The following OVOL2 variants were observed in gnomAD, a reference collection of about 807,000 sequenced individuals.
OVOL2 encodes ovo like zinc finger 2.
In OVOL2, 13 loss-of-function variants were observed where a neutral mutation model predicts 18.1. The ratio of observed to expected loss-of-function variants is 0.72; its 90% confidence interval spans 0.47 to 1.14. OVOL2 has a LOEUF of 1.14. OVOL2 is among the 50% of genes most tolerant of loss of function. OVOL2 has a pLI of 0.00. For missense variants in OVOL2, 335 were observed against 383.0 expected, an observed-to-expected ratio of 0.87 and a Z score of 1.05; for synonymous variants, 166 against 162.7, an observed-to-expected ratio of 1.02 and a Z score of -0.16.
At chr20:18,028,915 T>A (rs1480512686) in intron 3 of OVOL2, among the ~76,000 whole-genome samples, 3 of 151,992 alleles carry the variant, frequency 2.0e-5, no homozygotes, top group African/African-American at 7.2e-5. Flanking sequence ...TTAAAAAAAA[T>A]AAAACAGAAA....
intron 3 of OVOL2, 64 bp from the exon 4 acceptor site, chr20:18,025,016 T>C: frequency 1.3e-6 from 2 of 1,529,524 alleles, no homozygotes; most frequent in Non-Finnish European, 8.8e-7. Flanking sequence ...CACCCAACTA[T>C]GAAGCCAGTA....
Position 18,057,416 on chromosome 20 carries a change from C to T in OVOL2, c.100+119G>A. Reference sequence around the variant, plus strand: ...ACCCGCCTAGAAGACCCCCGCGTGCCCCCCGGAAGAGGGGGATGAGGTGGG... The same window carrying T: ...ACCCGCCTAGAAGACCCCCGCGTGCTCCCCGGAAGAGGGGGATGAGGTGGG... On this transcript the variant is annotated intron_variant, in intron 1 of 3. Transcript: ENST00000278780. This position sits in a 1 kb window ranked among gnomAD's most constrained non-coding sequence, Gnocchi z 6.3. 1 of 1,194,278 alleles carries T rather than the reference C, an allele frequency of 8.4e-7. No homozygotes were observed. Among genetic ancestry groups the T allele is most frequent in the South Asian group, 1.4e-5 (1 of 69,442 alleles). 74.0% of individuals were successfully genotyped at this position (1,194,278 alleles called of 1,614,324 possible).
chr20:18,025,952 G>A (rs980450843), intron 3 of OVOL2, among the ~76,000 whole-genome samples: 1 of 152,258 alleles, frequency 6.6e-6, no homozygotes, highest in Admixed American at 6.5e-5. Flanking sequence ...GTGGACAGTT[G>A]CCACTTGGAC....
chr20:18,057,385 G>A lies in OVOL2; in HGVS notation c.100+150C>T. The A allele has an allele frequency of 4.4e-6, 4 of 903,228 alleles. No homozygotes were observed. Among genetic ancestry groups the A allele is most frequent in the Non-Finnish European group, 4.9e-6 (3 of 606,668 alleles). The allele number at this position is 903,228 out of a possible 1,614,324, so 56.0% of individuals were successfully genotyped here. ...GGGGCATCCCAGTCCCTCATTGCCT[G>A]CCCTAACCCGCCTAGAAGACCCCCG... On this transcript the variant is annotated intron_variant, in intron 1 of 3. Coordinates refer to ENST00000278780, the MANE Select transcript of OVOL2 (RefSeq NM_021220.4). This position sits in a 1 kb window ranked among gnomAD's most constrained non-coding sequence, Gnocchi z 6.3.
At chr20:18,047,938 T>C (rs184818274) in intron 2 of OVOL2, among the ~76,000 whole-genome samples, 1 of 151,512 alleles carries the variant, frequency 6.6e-6, no homozygotes, top group Admixed American at 6.6e-5. Flanking sequence ...AGTCCTATTA[T>C]AGTTAGACCA....
intron 3 of OVOL2, among the ~76,000 whole-genome samples, chr20:18,026,668 A>G (rs546336980): frequency 1.6e-4 from 24 of 152,126 alleles, no homozygotes; most frequent in Non-Finnish European, 2.5e-4. Context: ...GGCGTGAGCC[A>G]CCGCGCCGGG....
chr20:18,037,792 G>A (rs75950632), intron 3 of OVOL2, among the ~76,000 whole-genome samples: 19,770 of 152,160 alleles, frequency 0.13, 1,435 homozygotes, highest in African/African-American at 0.17. Flanking sequence ...TCCGCTGCCC[G>A]TAGTGATAAC....
intron 3 of OVOL2, among the ~76,000 whole-genome samples, 177 bp downstream of exon 3, chr20:18,041,357 G>T (rs1568636009): frequency 6.6e-6 from 1 of 152,090 alleles, no homozygotes; most frequent in African/African-American, 2.4e-5. Context: ...TAGAGACAGG[G>T]TTTCACTATG....
intron 3 of OVOL2, among the ~76,000 whole-genome samples, chr20:18,033,576 T>C (rs1723306753): frequency 6.6e-6 from 1 of 152,234 alleles, no homozygotes; most frequent in Admixed American, 6.5e-5. Context: ...TTAGTCATTT[T>C]ACAAATGAGC....
Position 18,024,440 on chromosome 20 carries a change from C to T in OVOL2, c.*196G>A. On this transcript the variant is annotated 3_prime_UTR_variant, in exon 4 of 4. Transcript: ENST00000278780. ...GTGAGCAACTGCGCCAGACAGGACA[C>T]AGGTTACAGGGCCTGACGTCACTAA... 1 of 1,222,618 alleles carries T rather than the reference C, an allele frequency of 8.2e-7. No homozygotes were observed. The highest frequency in any genetic ancestry group is 1.1e-6 in the Non-Finnish European group (1 of 922,492). 75.7% of individuals were successfully genotyped at this position (1,222,618 alleles called of 1,614,324 possible).
At position 18,024,454 on chromosome 20, in the gene OVOL2, T is replaced by A; in HGVS notation, c.*182A>T. The A allele has an allele frequency of 1.5e-6, 2 of 1,322,754 alleles. No homozygotes were observed. The allele number at this position is 1,322,754 out of a possible 1,614,324, so 81.9% of individuals were successfully genotyped here. On this transcript the variant is annotated 3_prime_UTR_variant, in exon 4 of 4. Coordinates refer to ENST00000278780, the MANE Select transcript of OVOL2 (RefSeq NM_021220.4). The stretch of plus-strand genomic sequence containing the variant: ...CAGACAGGACACAGGTTACAGGGCC[T>A]GACGTCACTAACGGCAACTGACAAT...
rs2122732662 is a variant in OVOL2, at chr20:18,057,010, CG to C, written c.101-134del. 9.6e-7 allele frequency: 1 copy of C among 1,038,800 alleles called. No individual in the cohort carries two copies. Among genetic ancestry groups the C allele is most frequent in the Admixed American group, 4.0e-5 (1 of 24,710 alleles). 64.3% of individuals were successfully genotyped at this position (1,038,800 alleles called of 1,614,324 possible). A position where few individuals can be genotyped will look rare whatever the true frequency, so the allele number is the denominator to read the frequency against. On this transcript the variant is annotated intron_variant, in intron 1 of 3. Coordinates refer to ENST00000278780, the MANE Select transcript of OVOL2 (RefSeq NM_021220.4). This position sits in a 1 kb window ranked among gnomAD's most constrained non-coding sequence, Gnocchi z 6.3. The stretch of plus-strand genomic sequence containing the variant: ...GCACCTCGCCAAGTGGGCAACGTCG[CG>C]GGGGAGGCCAGTAAGCCCCGAATCG...
chr20:18,039,599 C>G (rs11696672), intron 3 of OVOL2, among the ~76,000 whole-genome samples: 2 of 133,740 alleles, frequency 1.5e-5, no homozygotes, highest in Admixed American at 1.5e-4. Context: ...GAGAGCAAGA[C>G]GCTGTCTCAA....
chr20:18,046,209 A>C (rs917476638), intron 2 of OVOL2, among the ~76,000 whole-genome samples: 1 of 152,220 alleles, frequency 6.6e-6, no homozygotes, highest in Non-Finnish European at 1.5e-5. Context: ...AAATTCCTAA[A>C]CATGAAATTT....
chr20:18,056,848 G>T lies in OVOL2; in HGVS notation c.130C>A (p.Pro44Thr). 1 of 1,488,522 alleles carries T rather than the reference G, an allele frequency of 6.7e-7. No individual in the cohort carries two copies. The allele number at this position is 1,488,522 out of a possible 1,614,324, so 92.2% of individuals were successfully genotyped here. A position where few individuals can be genotyped will look rare whatever the true frequency, so the allele number is the denominator to read the frequency against. The change falls in exon 2 of 4, where the codon CCC (proline) becomes ACC (threonine). Residue 44 changes from proline to threonine, a missense_variant. Physicochemically the swap from Pro to Thr is conservative, Grantham distance 38. Coordinates refer to ENST00000278780, the MANE Select transcript of OVOL2 (RefSeq NM_021220.4). This position sits in a 1 kb window ranked among gnomAD's most constrained non-coding sequence, Gnocchi z 4.2. ...CCGCCGTCGCTGCGGCAGTCCTCGG[G>T]GGGGTCGTGGAGCAGGCGGCCTAGG... ...VGLGRLLHDP[P>T]EDCRSDGGSS...
intron 2 of OVOL2, among the ~76,000 whole-genome samples, chr20:18,049,834 C>T (rs997185928): frequency 1.3e-5 from 2 of 152,120 alleles, no homozygotes; most frequent in African/African-American, 2.4e-5. Context: ...GCATGAACCC[C>T]ATTGTTTGTC....
chr20:18,028,515 G>A (rs1390057844), intron 3 of OVOL2, among the ~76,000 whole-genome samples: 1 of 152,050 alleles, frequency 6.6e-6, no homozygotes, highest in African/African-American at 2.4e-5. Context: ...AAAATAGGCT[G>A]GGTGCGGTGG....
chr20:18,034,362 C>T (rs942806398), intron 3 of OVOL2, among the ~76,000 whole-genome samples: 1 of 152,210 alleles, frequency 6.6e-6, no homozygotes, highest in African/African-American at 2.4e-5. Flanking sequence ...ATTCACACTC[C>T]TGATCCCCCC....
At chr20:18,054,780 AAAG>A (rs1568641011) in intron 2 of OVOL2, among the ~76,000 whole-genome samples, 5 of 138,812 alleles carry the variant, frequency 3.6e-5, no homozygotes, top group African/African-American at 8.5e-5. Flanking sequence ...AAAAAAAAAA[AAAG>A]AAAGAAAAGA....
Sources: gnomAD v4.1 joint callset for allele counts (sites outside exome capture counted in the v4.1 genomes callset) on GRCh38, gnomAD v4.1.1 for gene constraint, Gnocchi (gnomAD v3.1) non-coding constraint, MANE v1.5 for transcripts, NCBI Gene and HGNC (gene_info 2026-07-23, HGNC 2026-07-21) for gene names.